The following PAPPA2 variants were observed in gnomAD, a reference collection of about 807,000 sequenced individuals.
PAPPA2 encodes the protein pappalysin 2, also known as pappalysin-2.
PAPPA2 carries 86 observed loss-of-function variants against 176.4 expected under a neutral mutation model. That is an observed-to-expected ratio of 0.49 (90% CI 0.41 to 0.58). PAPPA2 has a LOEUF of 0.58. Ranked by LOEUF, PAPPA2 falls within the 20% of genes least tolerant of loss-of-function variation. The pLI is 0.00. For synonymous variants in PAPPA2, 809 were observed against 852.2 expected (o/e 0.95, Z 0.88); for missense variants, 2,073 against 2,256.9 (o/e 0.92, Z 1.65).
chr1:176,835,623 G>A (rs1458534296), intron 21 of PAPPA2, among the ~76,000 whole-genome samples: 1 of 152,248 alleles, frequency 6.6e-6, no homozygotes, highest in East Asian at 1.9e-4. Flanking sequence ...GGGTTCAAGC[G>A]ATTCTCCTGC....
At chr1:176,604,253 T>C (rs1654488113) in intron 3 of PAPPA2, among the ~76,000 whole-genome samples, 1 of 152,220 alleles carries the variant, frequency 6.6e-6, no homozygotes, top group Non-Finnish European at 1.5e-5. Flanking sequence ...GCTTTATTTT[T>C]CTTTTTAGAA....
intron 3 of PAPPA2, among the ~76,000 whole-genome samples, chr1:176,619,055 TAA>T (rs1180702953): frequency 6.6e-6 from 1 of 152,114 alleles, no homozygotes; most frequent in African/African-American, 2.4e-5. Flanking sequence ...TGGCTACTAA[TAA>T]TTGAGAAACA....
At chr1:176,841,709 G>C (rs568095573) in intron 22 of PAPPA2, among the ~76,000 whole-genome samples, 1 of 152,182 alleles carries the variant, frequency 6.6e-6, no homozygotes, top group South Asian at 2.1e-4. Flanking sequence ...TAGTTACATA[G>C]AAGGAAGGCA....
intron 5 of PAPPA2, chr1:176,691,256 G>C: frequency 4.9e-6 from 4 of 824,348 alleles, no homozygotes; most frequent in Non-Finnish European, 5.9e-6. Flanking sequence ...GGCTTGTTTG[G>C]TGACAGGTTC....
intron 1 of PAPPA2, among the ~76,000 whole-genome samples, chr1:176,541,481 A>G (rs983077023): frequency 6.6e-6 from 1 of 152,214 alleles, no homozygotes; most frequent in Non-Finnish European, 1.5e-5. Flanking sequence ...CATCCTTGCT[A>G]AGATCAAAAT....
Position 176,791,474 on chromosome 1 carries a change from A to T in PAPPA2, c.5012A>T (p.Tyr1671Phe). ...NSVEYKCEQGYGIGAVCSPLC... is the reference protein window; with the variant it reads ...NSVEYKCEQGFGIGAVCSPLC... Reference sequence around the variant, plus strand: ...GTGGAGTACAAATGTGAACAAGGATATGGGATTGGTAAGGATAGGAGTGAA... The same window carrying T: ...GTGGAGTACAAATGTGAACAAGGATTTGGGATTGGTAAGGATAGGAGTGAA... Residue 1671 changes from tyrosine (Y) to phenylalanine (F), a missense_variant, in exon 19 of 23, where the codon TAT (tyrosine) becomes TTT (phenylalanine). Tyr to Phe is a conservative substitution (Grantham distance 22). Transcript: ENST00000367662. 1 of 1,613,676 alleles carries T rather than the reference A, an allele frequency of 6.2e-7. No individual in the cohort carries two copies. Among genetic ancestry groups the T allele is most frequent in the Non-Finnish European group, 8.5e-7 (1 of 1,179,682 alleles).
At chr1:176,526,256 A>G (rs1471282291) in intron 1 of PAPPA2, among the ~76,000 whole-genome samples, 1 of 152,182 alleles carries the variant, frequency 6.6e-6, no homozygotes, top group Non-Finnish European at 1.5e-5. Context: ...TGTGGAAAAG[A>G]CTGCTTTGTA....
At chr1:176,617,645 C>T (rs553649729) in intron 3 of PAPPA2, among the ~76,000 whole-genome samples, 6 of 149,746 alleles carry the variant, frequency 4.0e-5, no homozygotes, top group South Asian at 2.1e-4. Context: ...TATTCCATGG[C>T]GCATATATAT....
chr1:176,560,782 A>T (rs1008113962), intron 2 of PAPPA2, among the ~76,000 whole-genome samples: 1 of 152,200 alleles, frequency 6.6e-6, no homozygotes, highest in Non-Finnish European at 1.5e-5. Flanking sequence ...TACACAAAAG[A>T]GAAGATTTTA....
chr1:176,794,451 C>A (rs1233819533), intron 20 of PAPPA2, among the ~76,000 whole-genome samples: 5 of 152,042 alleles, frequency 3.3e-5, no homozygotes, highest in Non-Finnish European at 5.9e-5. Context: ...CAAATCTTAC[C>A]CCTTGGAAAT....
intron 5 of PAPPA2, 98 bp downstream of exon 5, chr1:176,690,528 A>G: frequency 6.5e-7 from 1 of 1,536,366 alleles, no homozygotes; most frequent in Non-Finnish European, 8.8e-7. Context: ...AGAATGATTA[A>G]GTGGTCATTT....
intron 1 of PAPPA2, among the ~76,000 whole-genome samples, chr1:176,496,825 T>G (rs1376023663): frequency 6.6e-6 from 1 of 152,188 alleles, no homozygotes; most frequent in Non-Finnish European, 1.5e-5. Flanking sequence ...TGGTAACTCA[T>G]TCAAGTTGTT....
intron 12 of PAPPA2, among the ~76,000 whole-genome samples, chr1:176,718,266 A>G (rs1213963674): frequency 1.3e-5 from 2 of 152,132 alleles, no homozygotes; most frequent in Non-Finnish European, 2.9e-5. Context: ...TTTCTACAGA[A>G]TAAGGATATT....
In PAPPA2 at chr1:176,787,427, G is replaced by C. The variant is rs867240337; in HGVS notation, c.4716-2382G>C. Reference sequence around the variant, plus strand: ...TTTTTGCATTTTTTGTAGATAAGAGGGTTTTGCCATGTTGCCCAGGCTAGT... The same window carrying C: ...TTTTTGCATTTTTTGTAGATAAGAGCGTTTTGCCATGTTGCCCAGGCTAGT... On this transcript the variant is annotated intron_variant, in intron 17 of 22. Coordinates refer to ENST00000367662, the MANE Select transcript of PAPPA2 (RefSeq NM_020318.3). 2.6e-5 allele frequency among the ~76,000 whole-genome samples: 4 copies of C among 151,868 alleles called. No individual in the cohort carries two copies. The Middle Eastern group carries it at 0.01, about 390-fold the overall frequency.
At chr1:176,538,745 C>G (rs112775533) in intron 1 of PAPPA2, among the ~76,000 whole-genome samples, 1 of 152,170 alleles carries the variant, frequency 6.6e-6, no homozygotes. Flanking sequence ...TGCCTCATCA[C>G]TAGACAATAT....
At chr1:176,663,278 T>A (rs1658451817) in intron 3 of PAPPA2, among the ~76,000 whole-genome samples, 1 of 152,166 alleles carries the variant, frequency 6.6e-6, no homozygotes. Flanking sequence ...TGAATGTAAG[T>A]GTGCTTTCTT....
chr1:176,793,679 G>C lies in PAPPA2; in HGVS notation c.5130+10G>C, dbSNP rs1665289248. On this transcript the variant is annotated intron_variant, in intron 20 of 22. Transcript: ENST00000367662. Reference sequence around the variant, plus strand: ...ACCTGTCAAAGTCCAGGTGAGGAAAGGGACATTGTTATGTGCCAAAGACAT... The same window carrying C: ...ACCTGTCAAAGTCCAGGTGAGGAAACGGACATTGTTATGTGCCAAAGACAT... 6.4e-7 allele frequency: 1 copy of C among 1,574,342 alleles called. No individual in the cohort carries two copies. Among genetic ancestry groups the C allele is most frequent in the African/African-American group, 1.4e-5 (1 of 73,578 alleles).
intron 1 of PAPPA2, among the ~76,000 whole-genome samples, chr1:176,479,886 C>A (rs1451975376): frequency 6.6e-6 from 1 of 152,204 alleles, no homozygotes; most frequent in Non-Finnish European, 1.5e-5. Flanking sequence ...ACATTTATAG[C>A]ACATCAATCT....
At chr1:176,770,929 T>C (rs1234511581) in intron 16 of PAPPA2, 38 bp from the exon 17 acceptor site, 1 of 1,584,492 alleles carries the variant, frequency 6.3e-7, no homozygotes, top group Non-Finnish European at 8.7e-7. Flanking sequence ...CTGGGCTCTC[T>C]GTTCTGAGCA....
Sources: allele counts gnomAD v4.1 joint callset (sites outside exome capture counted in the v4.1 genomes callset), GRCh38; gene constraint gnomAD v4.1.1; transcripts MANE v1.5; gene names NCBI Gene and HGNC (gene_info 2026-07-23, HGNC 2026-07-21).